The following LOC400499 variants were observed in gnomAD, a reference collection of about 807,000 sequenced individuals.
the LOC400499 span, among the ~76,000 whole-genome samples, chr16:11,468,202 T>C: frequency 1.3e-5 from 2 of 152,208 alleles, no homozygotes; most frequent in African/African-American, 2.4e-5. Context: ...GACACACAGT[T>C]AGCGTACTTT....
the LOC400499 span, among the ~76,000 whole-genome samples, chr16:11,397,773 T>TGGAGGGAGGGAGGGAGGGAGGGAG: frequency 2.9e-5 from 1 of 34,682 alleles, no homozygotes; most frequent in African/African-American, 1.2e-4. Flanking sequence ...GAGGGAGGGA[T>TGGAGGGAGGGAGGGAGGGAGGGAG]GGAGGGAGGG....
the LOC400499 span, chr16:11,439,432 CAG>C: frequency 5.0e-6 from 2 of 398,680 alleles, no homozygotes; most frequent in East Asian, 7.1e-5. Flanking sequence ...GCCAGCTGCT[CAG>C]AGACAACCCT....
the LOC400499 span, among the ~76,000 whole-genome samples, chr16:11,420,405 G>A: frequency 7.6e-4 from 107 of 140,854 alleles, 1 homozygote; most frequent in Middle Eastern, 0.018. Context: ...GAGAACACGT[G>A]GACACAGGAA....
chr16:11,387,456 G>A, the LOC400499 span, among the ~76,000 whole-genome samples: 2 of 152,182 alleles, frequency 1.3e-5, no homozygotes, highest in Admixed American at 6.5e-5. Context: ...CCCATCATGA[G>A]GTGGAGGAGG....
the LOC400499 span, among the ~76,000 whole-genome samples, chr16:11,495,228 G>C: frequency 0.076 from 10,906 of 142,756 alleles, 455 homozygotes; most frequent in Middle Eastern, 0.11. Context: ...AAAAAAAAAA[G>C]AAAACAAAAC....
chr16:11,377,582 G>C, the LOC400499 span, among the ~76,000 whole-genome samples: 12 of 152,182 alleles, frequency 7.9e-5, no homozygotes, highest in East Asian at 3.9e-4. Context: ...GTTTTCTTTC[G>C]TTCATTCTGT....
the LOC400499 span, among the ~76,000 whole-genome samples, chr16:11,498,801 G>A: frequency 6.6e-6 from 1 of 151,676 alleles, no homozygotes; most frequent in African/African-American, 2.4e-5. Flanking sequence ...GCTCAGTGCT[G>A]TGTCCCAGAC....
the LOC400499 span, among the ~76,000 whole-genome samples, chr16:11,377,410 G>C: frequency 6.6e-6 from 1 of 152,146 alleles, no homozygotes; most frequent in East Asian, 1.9e-4. Context: ...CCTCATCTTG[G>C]AAAACTTTGT....
At chr16:11,404,416 G>A in the LOC400499 span, among the ~76,000 whole-genome samples, 3 of 152,072 alleles carry the variant, frequency 2.0e-5, no homozygotes, top group East Asian at 3.9e-4. Context: ...GCTCAATCTC[G>A]GCTCTCTGCA....
the LOC400499 span, chr16:11,473,116 A>AAAATAAATAAATAAAT: frequency 0.012 from 1,839 of 148,276 alleles, 40 homozygotes; most frequent in African/African-American, 0.043. Flanking sequence ...ACGCTATCTC[A>AAAATAAATAAATAAAT]AAATAAATAA....
the LOC400499 span, among the ~76,000 whole-genome samples, chr16:11,386,029 T>A: frequency 6.6e-6 from 1 of 151,994 alleles, no homozygotes; most frequent in Admixed American, 6.5e-5. Flanking sequence ...GAGTGAGACC[T>A]AGTCTCAAAA....
chr16:11,420,602 C>T, the LOC400499 span, among the ~76,000 whole-genome samples: 5 of 83,046 alleles, frequency 6.0e-5, no homozygotes, highest in Non-Finnish European at 1.2e-4. Flanking sequence ...AATAAACCCC[C>T]CCCCCCGGAA....
chr16:11,416,289 C>T, the LOC400499 span, among the ~76,000 whole-genome samples: 1 of 152,124 alleles, frequency 6.6e-6, no homozygotes, highest in Non-Finnish European at 1.5e-5. Context: ...AAGGACTCCC[C>T]TAGGGGACTG....
At chr16:11,401,429 C>T in the LOC400499 span, 79 of 399,512 alleles carry the variant, frequency 2.0e-4, no homozygotes, top group Admixed American at 1.8e-4. Flanking sequence ...ACAGACTCAG[C>T]CAGTGGCCTT....
At chr16:11,463,796 T>G in the LOC400499 span, among the ~76,000 whole-genome samples, 1 of 152,096 alleles carries the variant, frequency 6.6e-6, no homozygotes, top group Non-Finnish European at 1.5e-5. Context: ...TACATATGGA[T>G]GTTTGTGTGT....
chr16:11,476,853 G>A, the LOC400499 span: 5 of 399,462 alleles, frequency 1.3e-5, no homozygotes, highest in African/African-American at 4.1e-5. Context: ...CGCCATCCAG[G>A]CTGGCGGCGC....
chr16:11,380,234 A>G, the LOC400499 span, among the ~76,000 whole-genome samples: 1 of 147,586 alleles, frequency 6.8e-6, no homozygotes, highest in Admixed American at 6.7e-5. Flanking sequence ...TCAAACTTCC[A>G]CCTAGCATCT....
At chr16:11,456,945 A>G in the LOC400499 span, 1 of 1,536,304 alleles carries the variant, frequency 6.5e-7, no homozygotes, top group Non-Finnish European at 8.7e-7. Context: ...CTGCACCTTC[A>G]GGTGACTGCT....
chr16:11,488,106 T>C, the LOC400499 span, among the ~76,000 whole-genome samples: 3 of 133,062 alleles, frequency 2.3e-5, no homozygotes, highest in Non-Finnish European at 4.7e-5. Flanking sequence ...AATAGGGCGA[T>C]AGTCCATGTC....
Sources: allele counts gnomAD v4.1 joint callset (sites outside exome capture counted in the v4.1 genomes callset), GRCh38; gene constraint gnomAD v4.1.1; transcripts MANE v1.5.